Variants in GMPS observed in about 807,000 individuals in gnomAD.
GMPS encodes the protein guanosine monophosphate synthase.
Under a neutral mutation model 77.9 loss-of-function variants are expected in GMPS, and 15 were observed. The observed-to-expected ratio is 0.19, with a 90% CI of 0.13 to 0.30. The LOEUF is 0.30. GMPS is among the 10% of genes least tolerant of loss of function. The pLI is 1.00. For missense variants in GMPS, 590 were observed against 838.8 expected (o/e 0.70, Z 3.66); for synonymous variants, 224 against 275.9 (o/e 0.81, Z 1.86).
chr3:155,918,752 T>C (rs1755246500), intron 9 of GMPS, among the ~76,000 whole-genome samples: 2 of 152,222 alleles, frequency 1.3e-5, no homozygotes, highest in Admixed American at 6.5e-5. Context: ...TAGCTTTGCT[T>C]ATTTTTTAAT....
chr3:155,908,172 G>C (rs1754940935), intron 5 of GMPS, among the ~76,000 whole-genome samples: 1 of 152,222 alleles, frequency 6.6e-6, no homozygotes, highest in Non-Finnish European at 1.5e-5. Flanking sequence ...AGCGTTGTCA[G>C]GATCAGGATA....
chr3:155,896,037 T>C (rs2108077852), intron 2 of GMPS, among the ~76,000 whole-genome samples: 1 of 150,698 alleles, frequency 6.6e-6, no homozygotes, highest in Non-Finnish European at 1.5e-5. Flanking sequence ...TGAGACGGAG[T>C]CTCGCTCTGT....
chr3:155,926,254 C>G lies in GMPS; in HGVS notation c.1560+888C>G, dbSNP rs564735683. The stretch of plus-strand genomic sequence containing the variant: ...CTTTGAAATTCTGGCCTCAAGTGAT[C>G]CTTCACTTTGGCCTCCCAAAGTGTT... On this transcript the variant is annotated intron_variant, in intron 12 of 15. Transcript: ENST00000496455. Among the ~76,000 whole-genome samples, 247 of 152,282 alleles carry G rather than the reference C, an allele frequency of 1.6e-3. 1 individual carries two copies. The highest frequency in any genetic ancestry group is 3.0e-3 in the Non-Finnish European group (201 of 68,030).
At chr3:155,925,924 A>G (rs1267612786) in intron 12 of GMPS, among the ~76,000 whole-genome samples, 2 of 152,308 alleles carry the variant, frequency 1.3e-5, no homozygotes, top group Middle Eastern at 3.4e-3. Context: ...CTGCCTTTCT[A>G]GTTGTAAAAG....
At position 155,943,550 on chromosome 3, in the gene GMPS, A is replaced by G. The variant is rs1167017386; in HGVS notation, c.*5858A>G. 5.6e-6 allele frequency: 1 copy of G among 178,944 alleles called. No homozygotes were observed. The highest frequency in any genetic ancestry group is 1.2e-5 in the Non-Finnish European group (1 of 83,390). The allele number at this position is 178,944 out of a possible 1,614,324, so 11.1% of individuals were successfully genotyped here. ...ACCTCCTTTTGAACATATTTTTTAT[A>G]AAGAAATATTTTGTTAATTGGAGTA... On this transcript the variant is annotated 3_prime_UTR_variant, in exon 16 of 16. Transcript: ENST00000496455.
chr3:155,882,367 A>G (rs936105379), intron 1 of GMPS, among the ~76,000 whole-genome samples: 1 of 152,236 alleles, frequency 6.6e-6, no homozygotes, highest in African/African-American at 2.4e-5. Context: ...ACATGTGACC[A>G]GTCTTTCATT....
chr3:155,919,221 T>A lies in GMPS; in HGVS notation c.1213-12T>A, dbSNP rs751093331. On this transcript the variant is annotated splice_polypyrimidine_tract_variant and intron_variant, in intron 9 of 15. Transcript: ENST00000496455. ...ACTAGTTTATATTGGTTGGCTTCTT[T>A]CCTCCCTGTAGGGAAAAGTAATAGA... The A allele has an allele frequency of 7.7e-6, 10 of 1,293,178 alleles. No individual in the cohort carries two copies. The highest frequency in any genetic ancestry group is 9.9e-6 in the Non-Finnish European group (9 of 909,604). The allele number at this position is 1,293,178 out of a possible 1,614,324, so 80.1% of individuals were successfully genotyped here. A position where few individuals can be genotyped will look rare whatever the true frequency, so the allele number is the denominator to read the frequency against.
At chr3:155,932,969 A>T (rs984811478) in intron 13 of GMPS, among the ~76,000 whole-genome samples, 3 of 152,228 alleles carry the variant, frequency 2.0e-5, no homozygotes, top group Non-Finnish European at 4.4e-5. Context: ...AGGCGAGTGG[A>T]TCACTTGAGC....
intron 10 of GMPS, 63 bp downstream of exon 10, chr3:155,919,401 A>G (rs1356252): frequency 0.21 from 158,855 of 741,886 alleles, 17,795 homozygotes; most frequent in South Asian, 0.27. Flanking sequence ...AGAAAAATCA[A>G]TTCAGACAAT....
chr3:155,898,988 T>G (rs1287734243), intron 3 of GMPS, among the ~76,000 whole-genome samples: 3 of 152,232 alleles, frequency 2.0e-5, no homozygotes, highest in African/African-American at 7.2e-5. Context: ...CTTAGCACTT[T>G]GGGAGGCCGA....
chr3:155,888,959 G>A (rs943436635), intron 1 of GMPS, among the ~76,000 whole-genome samples: 5 of 151,816 alleles, frequency 3.3e-5, no homozygotes, highest in African/African-American at 4.8e-5. Context: ...GGGCTCAAGC[G>A]ATCTGCCTCC....
intron 3 of GMPS, among the ~76,000 whole-genome samples, chr3:155,901,255 G>C (rs555370534): frequency 6.6e-6 from 1 of 151,508 alleles, no homozygotes; most frequent in Non-Finnish European, 1.5e-5. Context: ...TAGTTTTGCC[G>C]ATTGACCTAT....
intron 15 of GMPS, 61 bp from the exon 16 acceptor site, chr3:155,937,530 C>A (rs762688715): frequency 5.6e-5 from 41 of 732,432 alleles, no homozygotes; most frequent in Non-Finnish European, 9.5e-5. Flanking sequence ...CAAATGTAAG[C>A]CCTCTAGGAC....
chr3:155,893,201 C>G (rs892297421), intron 1 of GMPS, among the ~76,000 whole-genome samples: 3 of 152,250 alleles, frequency 2.0e-5, no homozygotes, highest in Admixed American at 6.5e-5. Context: ...TAAACCAGGA[C>G]TATATTTTGG....
intron 11 of GMPS, 45 bp downstream of exon 11, chr3:155,922,347 CTTA>C: frequency 4.1e-6 from 3 of 737,582 alleles, no homozygotes; most frequent in Non-Finnish European, 6.7e-6. Flanking sequence ...TGAACGGATT[CTTA>C]TTATATACCA....
At chr3:155,906,719 C>T (rs1754904667) in intron 5 of GMPS, among the ~76,000 whole-genome samples, 1 of 150,112 alleles carries the variant, frequency 6.7e-6, no homozygotes, top group Non-Finnish European at 1.5e-5. Context: ...CAAATCTAGT[C>T]TTTTGCCTTT....
chr3:155,927,055 A>G lies in GMPS; in HGVS notation c.1560+1689A>G, dbSNP rs532434227. On this transcript the variant is annotated intron_variant, in intron 12 of 15. Transcript: ENST00000496455. ...TTGATTGTTATTTTTAAAGTAAACT[A>G]AAATATTTTATTTCATGAAAGTGAT... Among the ~76,000 whole-genome samples the G allele has an allele frequency of 3.1e-4, 47 of 152,262 alleles. No individual in the cohort carries two copies. The South Asian group carries it at 8.9e-3, about 29-fold the overall frequency.
chr3:155,870,661 T>G lies in GMPS; in HGVS notation c.-210T>G. On this transcript the variant is annotated 5_prime_UTR_variant, in exon 1 of 16. Coordinates refer to ENST00000496455, the MANE Select transcript of GMPS (RefSeq NM_003875.3). ...CAGGAGGCGGGGGCAGCGTGCGCGCTGCTGGTCTTCTCTCCCGCGGCGCTG... is the reference window on the plus strand; with the variant it reads ...CAGGAGGCGGGGGCAGCGTGCGCGCGGCTGGTCTTCTCTCCCGCGGCGCTG... The G allele has an allele frequency of 2.0e-6, 1 of 493,010 alleles. No individual in the cohort carries two copies. Among genetic ancestry groups the G allele is most frequent in the South Asian group, 2.7e-5 (1 of 37,052 alleles). 30.5% of individuals were successfully genotyped at this position (493,010 alleles called of 1,614,324 possible). A position where few individuals can be genotyped will look rare whatever the true frequency, so the allele number is the denominator to read the frequency against.
At chr3:155,893,790 C>A in intron 2 of GMPS, 91 bp downstream of exon 2, 10 of 673,104 alleles carry the variant, frequency 1.5e-5, no homozygotes, top group South Asian at 1.3e-4. Flanking sequence ...AATTTTTCTA[C>A]GAAAATAAGA....
Sources: gnomAD v4.1 joint callset for allele counts (sites outside exome capture counted in the v4.1 genomes callset) on GRCh38, gnomAD v4.1.1 for gene constraint, MANE v1.5 for transcripts, NCBI Gene and HGNC (gene_info 2026-07-23, HGNC 2026-07-21) for gene names.